Variants in GNG7 observed in about 807,000 individuals in gnomAD.
GNG7 encodes the protein G protein subunit gamma 7.
In GNG7, 1 loss-of-function variant was observed where a neutral mutation model predicts 4.0. The observed-to-expected ratio is 0.25, with a 90% CI of 0.09 to 1.18. GNG7 has a LOEUF of 1.18. Among genes scored for constraint, GNG7 ranks in the 50% most tolerant of loss-of-function variants. GNG7 has a pLI of 0.50. For synonymous variants in GNG7, 34 were observed against 36.9 expected (o/e 0.92, Z 0.29); for missense variants, 86 against 91.9 (o/e 0.94, Z 0.26).
chr19:2,518,609 C>T (rs376789775), intron 4 of GNG7, among the ~76,000 whole-genome samples: 5 of 152,030 alleles, frequency 3.3e-5, no homozygotes, highest in South Asian at 2.1e-4. Flanking sequence ...CGACTCTGTC[C>T]GCCTCCCCGC....
intron 1 of GNG7, among the ~76,000 whole-genome samples, chr19:2,668,854 G>T (rs1215222066): frequency 6.6e-6 from 1 of 152,098 alleles, no homozygotes; most frequent in African/African-American, 2.4e-5. Context: ...ACCGCAGGGT[G>T]CTGAGGAGCA....
rs1294558407 is a variant in GNG7, at chr19:2,633,485, G to GCACACACACACACA, written c.-78+12738_-78+12739insTGTGTGTGTGTGTG. Among the ~76,000 whole-genome samples the GCACACACACACACA allele has an allele frequency of 2.3e-5, 3 of 131,914 alleles. No homozygotes were observed. Among genetic ancestry groups the GCACACACACACACA allele is most frequent in the Admixed American group, 7.5e-5 (1 of 13,366 alleles). 86.5% of individuals were successfully genotyped at this position (131,914 alleles called of 152,430 possible). A position where few individuals can be genotyped will look rare whatever the true frequency, so the allele number is the denominator to read the frequency against. On this transcript the variant is annotated intron_variant, in intron 2 of 4. Transcript: ENST00000382159. The surrounding 1 kb of genome is among the most constrained non-coding windows in gnomAD (Gnocchi z 5.9). ...CTTAGCAACAGGCGCGCGCGCGCGCGCGCACACACACACACACACACACAC... is the reference window on the plus strand; with the variant it reads ...CTTAGCAACAGGCGCGCGCGCGCGCGCACACACACACACACGCACACACACACACACACACACAC...
At chr19:2,578,120 G>A (rs1437206097) in intron 2 of GNG7, among the ~76,000 whole-genome samples, 1 of 152,116 alleles carries the variant, frequency 6.6e-6, no homozygotes, top group Non-Finnish European at 1.5e-5. Context: ...TTACAGGCGT[G>A]AGCCACCGCG....
intron 2 of GNG7, among the ~76,000 whole-genome samples, chr19:2,577,052 A>C (rs952016386): frequency 6.6e-6 from 1 of 152,198 alleles, no homozygotes; most frequent in Non-Finnish European, 1.5e-5. Context: ...AGTTCCAGTA[A>C]GTCTTTGTAT....
chr19:2,683,890 G>A (rs1392274339), intron 1 of GNG7, among the ~76,000 whole-genome samples: 1 of 152,188 alleles, frequency 6.6e-6, no homozygotes. Context: ...GGGCTGGCTA[G>A]GGAGCTGGTG....
chr19:2,532,222 A>G (rs1026342433), intron 3 of GNG7, among the ~76,000 whole-genome samples: 2 of 152,160 alleles, frequency 1.3e-5, no homozygotes, highest in African/African-American at 4.8e-5. Flanking sequence ...TATACTGGGA[A>G]TTGACAGAGA....
At chr19:2,573,710 G>A (rs1183412643) in intron 2 of GNG7, among the ~76,000 whole-genome samples, 3 of 152,106 alleles carry the variant, frequency 2.0e-5, no homozygotes, top group South Asian at 2.1e-4. Flanking sequence ...AGGCGTGGTC[G>A]TGGGCGCCTG....
chr19:2,541,569 C>T (rs776266348), intron 3 of GNG7, among the ~76,000 whole-genome samples: 1 of 151,742 alleles, frequency 6.6e-6, no homozygotes, highest in African/African-American at 2.4e-5. Flanking sequence ...CCCGTCTCTA[C>T]TAAAAATACA....
intron 2 of GNG7, among the ~76,000 whole-genome samples, chr19:2,598,511 G>A (rs1457602001): frequency 6.6e-6 from 1 of 150,782 alleles, no homozygotes; most frequent in Non-Finnish European, 1.5e-5. Flanking sequence ...CAAAAAATTA[G>A]CTGGGTGTGG....
At chr19:2,665,374 G>A (rs1983282950) in intron 1 of GNG7, among the ~76,000 whole-genome samples, 1 of 150,822 alleles carries the variant, frequency 6.6e-6, no homozygotes, top group Admixed American at 6.6e-5. Flanking sequence ...GGGGGGGGGG[G>A]CAGGATCACC....
chr19:2,660,735 G>C (rs1599448147), intron 1 of GNG7, among the ~76,000 whole-genome samples: 1 of 152,264 alleles, frequency 6.6e-6, no homozygotes, highest in African/African-American at 2.4e-5. Flanking sequence ...AGACTGTGGG[G>C]AGCCATGCTC....
chr19:2,515,261 T>C (rs1179397601), intron 4 of GNG7, 114 bp from the exon 5 acceptor site: 1 of 1,339,816 alleles, frequency 7.5e-7, no homozygotes, highest in South Asian at 1.3e-5. Flanking sequence ...AGGAGCCCAT[T>C]GATGGGGGCG....
chr19:2,595,734 CA>C (rs778284283), intron 2 of GNG7, among the ~76,000 whole-genome samples: 1,241 of 91,642 alleles, frequency 0.014, 4 homozygotes, highest in African/African-American at 0.032. Context: ...GACTCTGTCT[CA>C]AAAAAAAAAA....
chr19:2,552,723 C>T (rs1979370197), intron 3 of GNG7, among the ~76,000 whole-genome samples: 2 of 151,422 alleles, frequency 1.3e-5, no homozygotes, highest in African/African-American at 2.4e-5. Flanking sequence ...CTCCGGGCTC[C>T]CAGTGATCCC....
chr19:2,671,655 G>A (rs1808571061), intron 1 of GNG7, among the ~76,000 whole-genome samples: 2 of 152,150 alleles, frequency 1.3e-5, no homozygotes, highest in African/African-American at 4.8e-5. Context: ...CCCATTCAAA[G>A]GGCATCAGGC....
intron 3 of GNG7, among the ~76,000 whole-genome samples, chr19:2,529,925 G>T (rs1273374078): frequency 6.6e-6 from 1 of 152,192 alleles, no homozygotes; most frequent in Non-Finnish European, 1.5e-5. Context: ...AGATGAGAGG[G>T]CTCCTCTCAA....
At chr19:2,667,830 A>G (rs1983348509) in intron 1 of GNG7, among the ~76,000 whole-genome samples, 1 of 152,102 alleles carries the variant, frequency 6.6e-6, no homozygotes, top group Admixed American at 6.6e-5. Flanking sequence ...CAAGAGAATG[A>G]TATGAATCCA....
chr19:2,605,714 A>G (rs558660073), intron 2 of GNG7, among the ~76,000 whole-genome samples: 72 of 150,190 alleles, frequency 4.8e-4, no homozygotes, highest in Admixed American at 8.0e-4. Flanking sequence ...GGGTTTCACC[A>G]TGTTGGCCAG....
chr19:2,564,350 G>A (rs1360647420), intron 2 of GNG7, among the ~76,000 whole-genome samples: 1 of 152,148 alleles, frequency 6.6e-6, no homozygotes, highest in Non-Finnish European at 1.5e-5. Context: ...GGAGGCCGAG[G>A]CGGGAGGATC....
Sources: allele counts gnomAD v4.1 joint callset (sites outside exome capture counted in the v4.1 genomes callset), GRCh38; gene constraint gnomAD v4.1.1; non-coding constraint Gnocchi (gnomAD v3.1); transcripts MANE v1.5; gene names NCBI Gene and HGNC (gene_info 2026-07-23, HGNC 2026-07-21).